Variants in CGNL1 observed in about 807,000 individuals in gnomAD.
CGNL1 encodes cingulin-like protein 1.
Under a neutral mutation model 141.2 loss-of-function variants are expected in CGNL1, and 132 were observed. The ratio of observed to expected loss-of-function variants is 0.93; its 90% CI spans 0.81 to 1.08. The LOEUF (loss-of-function observed/expected upper bound fraction) is 1.08. Ranked by LOEUF, CGNL1 falls within the 50% of genes least tolerant of loss-of-function variation. The pLI is 0.00. For synonymous variants in CGNL1, 690 were observed against 622.1 expected (o/e 1.11, Z -1.63); for missense variants, 1,870 against 1,588.6 (o/e 1.18, Z -3.01).
intron 14 of CGNL1, among the ~76,000 whole-genome samples, chr15:57,533,396 T>G (rs1386255079): frequency 5.3e-5 from 8 of 152,198 alleles, no homozygotes; most frequent in Non-Finnish European, 1.0e-4. Flanking sequence ...GTTCTCTCAC[T>G]GGAATAAAAG....
intron 1 of CGNL1, among the ~76,000 whole-genome samples, chr15:57,420,123 A>T (rs112555114): frequency 6.6e-6 from 1 of 152,040 alleles, no homozygotes; most frequent in Non-Finnish European, 1.5e-5. Flanking sequence ...AATTTCTGGC[A>T]CTGTAGGATA....
intron 1 of CGNL1, among the ~76,000 whole-genome samples, chr15:57,423,933 G>T (rs1376069754): frequency 2.6e-5 from 4 of 152,218 alleles, no homozygotes; most frequent in Non-Finnish European, 5.9e-5. Context: ...GCAGCTCGGT[G>T]CTGGAGCTCC....
intron 8 of CGNL1, among the ~76,000 whole-genome samples, chr15:57,493,143 T>C (rs190354148): frequency 6.6e-6 from 1 of 152,352 alleles, no homozygotes; most frequent in Non-Finnish European, 1.5e-5. Flanking sequence ...AGTGAGTTTA[T>C]GATTTCAAAT....
At chr15:57,547,225 A>C (rs1459796847) in intron 18 of CGNL1, 130 bp from the exon 19 acceptor site, 1 of 1,010,868 alleles carries the variant, frequency 9.9e-7, no homozygotes, top group Non-Finnish European at 1.5e-6. Context: ...GACCTGTTAC[A>C]TTCATGTGTT....
At chr15:57,451,367 G>A in intron 4 of CGNL1, 133 bp from the exon 5 acceptor site, 1 of 634,194 alleles carries the variant, frequency 1.6e-6, no homozygotes, top group Non-Finnish European at 2.7e-6. Flanking sequence ...AGGGGTTGAT[G>A]TTTGAATTGG....
intron 7 of CGNL1, among the ~76,000 whole-genome samples, chr15:57,456,583 C>T (rs1229348953): frequency 6.7e-6 from 1 of 148,958 alleles, no homozygotes; most frequent in African/African-American, 2.5e-5. Context: ...AATTGACCAA[C>T]AAAGGGTTGA....
intron 8 of CGNL1, among the ~76,000 whole-genome samples, chr15:57,513,924 G>A (rs1330980096): frequency 4.6e-5 from 7 of 152,152 alleles, no homozygotes; most frequent in Admixed American, 4.6e-4. Flanking sequence ...GTTTTCCAAA[G>A]TAGCTGCACC....
chr15:57,514,977 A>C (rs2030650766), intron 8 of CGNL1, among the ~76,000 whole-genome samples: 1 of 152,174 alleles, frequency 6.6e-6, no homozygotes, highest in Admixed American at 6.5e-5. Flanking sequence ...CCCTCATGCC[A>C]GTACTGCCCT....
At chr15:57,445,491 C>T (rs146371893) in intron 4 of CGNL1, among the ~76,000 whole-genome samples, 2 of 152,258 alleles carry the variant, frequency 1.3e-5, no homozygotes, top group African/African-American at 2.4e-5. Context: ...AACCCTCTCC[C>T]TTAGGGACGG....
At chr15:57,485,174 C>T (rs1299120162) in intron 8 of CGNL1, among the ~76,000 whole-genome samples, 2 of 151,706 alleles carry the variant, frequency 1.3e-5, no homozygotes, top group Admixed American at 1.3e-4. Flanking sequence ...GCTCTTTGAC[C>T]CATGGATTAC....
intron 13 of CGNL1, 117 bp downstream of exon 13, chr15:57,528,932 TC>T: frequency 9.2e-7 from 1 of 1,088,442 alleles, no homozygotes; most frequent in Non-Finnish European, 1.3e-6. Context: ...TTTTATTCTC[TC>T]CCACAGCTGG....
intron 1 of CGNL1, among the ~76,000 whole-genome samples, chr15:57,401,566 T>G (rs1247356341): frequency 6.6e-6 from 1 of 152,154 alleles, no homozygotes. Context: ...TTGTGGAAAA[T>G]TATTCAAAAC....
At chr15:57,416,272 C>T (rs913379752) in intron 1 of CGNL1, among the ~76,000 whole-genome samples, 6 of 151,284 alleles carry the variant, frequency 4.0e-5, no homozygotes, top group Non-Finnish European at 2.9e-5. Context: ...GGTTGGAAAC[C>T]GACCATTCCT....
At chr15:57,443,044 G>C (rs2063209728) in intron 4 of CGNL1, among the ~76,000 whole-genome samples, 1 of 152,240 alleles carries the variant, frequency 6.6e-6, no homozygotes, top group African/African-American at 2.4e-5. Context: ...GACTAGCATT[G>C]TCATAGGCAA....
At chr15:57,436,064 C>A (rs1801870883) in intron 1 of CGNL1, among the ~76,000 whole-genome samples, 1 of 152,130 alleles carries the variant, frequency 6.6e-6, no homozygotes, top group Non-Finnish European at 1.5e-5. Context: ...AGAATCAAAT[C>A]TTGGGTCAAA....
chr15:57,516,430 G>A (rs989934509), intron 8 of CGNL1, among the ~76,000 whole-genome samples: 1 of 152,286 alleles, frequency 6.6e-6, no homozygotes, highest in South Asian at 2.1e-4. Context: ...ACAGGCAAGG[G>A]TTGGCAAACT....
intron 1 of CGNL1, among the ~76,000 whole-genome samples, chr15:57,394,695 C>A (rs1315943321): frequency 6.6e-6 from 1 of 152,198 alleles, no homozygotes; most frequent in East Asian, 1.9e-4. Flanking sequence ...CCATTTCTGA[C>A]CCTGCTTAGT....
chr15:57,443,615 T>C (rs193188101), intron 4 of CGNL1, among the ~76,000 whole-genome samples: 20 of 152,328 alleles, frequency 1.3e-4, no homozygotes, highest in Admixed American at 1.0e-3. Flanking sequence ...TGGCCTCAAA[T>C]AGAACAATGC....
intron 1 of CGNL1, among the ~76,000 whole-genome samples, chr15:57,396,606 C>T (rs906676423): frequency 6.6e-6 from 1 of 152,124 alleles, no homozygotes; most frequent in Admixed American, 6.6e-5. Context: ...GATTTGTATA[C>T]GTATACGGCT....
Sources: gnomAD v4.1 joint callset for allele counts (sites outside exome capture counted in the v4.1 genomes callset) on GRCh38, gnomAD v4.1.1 for gene constraint, MANE v1.5 for transcripts, NCBI Gene and HGNC (gene_info 2026-07-23, HGNC 2026-07-21) for gene names.